HDGFL3: variants seen among roughly 807,000 people sequenced by gnomAD.
HDGFL3 encodes hepatoma-derived growth factor-related protein 3.
Under a neutral mutation model 27.6 loss-of-function variants are expected in HDGFL3, and 6 were observed. That is an observed-to-expected ratio of 0.22 (90% CI 0.12 to 0.43). The LOEUF (loss-of-function observed/expected upper bound fraction) is 0.43, where lower values mean the gene tolerates loss of function less well. Ranked by LOEUF, HDGFL3 falls within the 20% of genes least tolerant of loss-of-function variation. HDGFL3 has a pLI of 1.00. For missense variants in HDGFL3, 207 were observed against 250.1 expected (o/e 0.83, Z 1.16); for synonymous variants, 88 against 88.9 (o/e 0.99, Z 0.05).
intron 5 of HDGFL3, among the ~76,000 whole-genome samples, chr15:83,139,567 C>T (rs2036726230): frequency 6.6e-6 from 1 of 152,154 alleles, no homozygotes. Context: ...TTCTACAATT[C>T]TAGGACTATG....
Position 83,137,764 on chromosome 15 carries a change from CCAT to C in HDGFL3, c.*1503_*1505del, listed in dbSNP as rs1461156935. 2 of 152,070 alleles carry C rather than the reference CCAT, an allele frequency of 1.3e-5. No individual in the cohort carries two copies. The highest frequency in any genetic ancestry group is 4.8e-5 in the African/African-American group (2 of 41,440). The allele number at this position is 152,070 out of a possible 1,614,324, so 9.4% of individuals were successfully genotyped here. A position where few individuals can be genotyped will look rare whatever the true frequency, so the allele number is the denominator to read the frequency against. On this transcript the variant is annotated 3_prime_UTR_variant, in exon 6 of 6. Coordinates refer to ENST00000299633, the MANE Select transcript of HDGFL3 (RefSeq NM_016073.4). ...TTCATACCCTTAGCTGCCATCATCACCATCATCATTATTAACGGCCCTAGGCTT... is the reference window on the plus strand; with the variant it reads ...TTCATACCCTTAGCTGCCATCATCACCATCATTATTAACGGCCCTAGGCTT...
intron 4 of HDGFL3, among the ~76,000 whole-genome samples, chr15:83,153,142 G>A (rs2036984940): frequency 6.6e-6 from 1 of 151,924 alleles, no homozygotes; most frequent in Non-Finnish European, 1.5e-5. Context: ...TGGGACTATA[G>A]GTACCTGCCA....
chr15:83,176,408 T>C (rs572993181), intron 1 of HDGFL3, among the ~76,000 whole-genome samples: 43 of 152,306 alleles, frequency 2.8e-4, no homozygotes, highest in African/African-American at 1.0e-3. Context: ...ACTTAAAATG[T>C]GGTGGCATTT....
intron 1 of HDGFL3, among the ~76,000 whole-genome samples, chr15:83,197,244 A>C (rs2037581838): frequency 6.6e-6 from 1 of 152,310 alleles, no homozygotes; most frequent in East Asian, 1.9e-4. Context: ...CATAAAATTT[A>C]ATCTAATCTT....
chr15:83,153,885 T>C (rs151023706), intron 4 of HDGFL3, among the ~76,000 whole-genome samples: 2 of 152,256 alleles, frequency 1.3e-5, no homozygotes, highest in African/African-American at 4.8e-5. Context: ...GCGTTTTCCT[T>C]AGAAAACTGA....
intron 3 of HDGFL3, chr15:83,115,768 AT>A: frequency 1.1e-6 from 1 of 945,748 alleles, no homozygotes; most frequent in East Asian, 2.4e-5. Flanking sequence ...ACATTCCATT[AT>A]TATTAGCTGA....
chr15:83,199,934 T>C (rs1272891005), intron 1 of HDGFL3, among the ~76,000 whole-genome samples: 2 of 150,326 alleles, frequency 1.3e-5, no homozygotes, highest in East Asian at 3.9e-4. Flanking sequence ...TAATCTCAGC[T>C]ACTCAGGAGA....
intron 5 of HDGFL3, among the ~76,000 whole-genome samples, chr15:83,145,185 C>A (rs1436039148): frequency 1.3e-5 from 2 of 152,058 alleles, no homozygotes; most frequent in Non-Finnish European, 2.9e-5. Flanking sequence ...TCCTAGCTTA[C>A]TCTGGATACT....
chr15:83,140,003 T>G (rs555940199), intron 5 of HDGFL3, among the ~76,000 whole-genome samples: 264 of 152,298 alleles, frequency 1.7e-3, no homozygotes, highest in Non-Finnish European at 3.1e-3. Flanking sequence ...AACCCCCTAG[T>G]AATACCCTCA....
At chr15:83,143,560 C>T (rs1463537808) in intron 5 of HDGFL3, among the ~76,000 whole-genome samples, 7 of 152,024 alleles carry the variant, frequency 4.6e-5, no homozygotes, top group African/African-American at 4.8e-5. Flanking sequence ...CCAGCCTGGG[C>T]GACAGAGCGA....
intron 3 of HDGFL3, 88 bp downstream of exon 3, chr15:83,157,815 T>G (rs561715547): frequency 2.4e-4 from 294 of 1,221,318 alleles, no homozygotes; most frequent in Non-Finnish European, 3.3e-4. Flanking sequence ...AGGTAACTAT[T>G]AGTAGAAAGG....
intron 1 of HDGFL3, among the ~76,000 whole-genome samples, chr15:83,172,556 G>C (rs1277468828): frequency 2.6e-5 from 4 of 152,088 alleles, no homozygotes; most frequent in African/African-American, 9.7e-5. Flanking sequence ...AAGAAAATCA[G>C]CCCAGGTGTG....
downstream of HDGFL3, chr15:83,127,461 C>G (rs756382718): frequency 6.2e-7 from 1 of 1,613,708 alleles, no homozygotes; most frequent in South Asian, 1.1e-5. Context: ...TTGATACATG[C>G]TGGAGGTCTG....
rs2036715911 is a variant in HDGFL3, at chr15:83,139,141, A to G, written c.*129T>C. ...ACAGAGAGGAATATGAATAATGTAC[A>G]TACAAACTGGGGTTCTGTCAATGAC... On this transcript the variant is annotated 3_prime_UTR_variant, in exon 6 of 6. Coordinates refer to ENST00000299633, the MANE Select transcript of HDGFL3 (RefSeq NM_016073.4). 2 of 514,248 alleles carry G rather than the reference A, an allele frequency of 3.9e-6. No individual in the cohort carries two copies. Among genetic ancestry groups the G allele is most frequent in the East Asian group, 3.1e-5 (1 of 31,914 alleles). 31.9% of individuals were successfully genotyped at this position (514,248 alleles called of 1,614,324 possible).
chr15:83,193,084 G>A (rs2037531353), intron 1 of HDGFL3, among the ~76,000 whole-genome samples: 1 of 139,036 alleles, frequency 7.2e-6, no homozygotes, highest in Non-Finnish European at 1.5e-5. Flanking sequence ...CTCTTCCAGA[G>A]TCCCGTTCTC....
At chr15:83,139,818 G>A (rs2036732086) in intron 5 of HDGFL3, among the ~76,000 whole-genome samples, 1 of 152,086 alleles carries the variant, frequency 6.6e-6, no homozygotes, top group Non-Finnish European at 1.5e-5. Flanking sequence ...AAGAATAAGA[G>A]GAAGCCTAGA....
chr15:83,115,763 C>A, intron 3 of HDGFL3: 2 of 916,074 alleles, frequency 2.2e-6, no homozygotes, highest in Non-Finnish European at 3.6e-6. Flanking sequence ...GAAAAACATT[C>A]CATTATTATT....
chr15:83,149,110 T>A (rs1010068803), intron 5 of HDGFL3, among the ~76,000 whole-genome samples: 1 of 152,192 alleles, frequency 6.6e-6, no homozygotes, highest in Non-Finnish European at 1.5e-5. Context: ...CTTGAGCTCT[T>A]ACTAGCTGTG....
At position 83,158,612 on chromosome 15, in the gene HDGFL3, A is replaced by G. The variant is rs56712709; in HGVS notation, c.162-571T>C. ...GAACAGGTGATAAAATCTCACACCC[A>G]CTCCATCCTGCCTGGGACATGAATC... On this transcript the variant is annotated intron_variant, in intron 2 of 5. Coordinates refer to ENST00000299633, the MANE Select transcript of HDGFL3 (RefSeq NM_016073.4). Among the ~76,000 whole-genome samples, 1,450 of 151,956 alleles carry G rather than the reference A, an allele frequency of 9.5e-3. 25 individuals carry two copies. The highest frequency in any genetic ancestry group is 0.033 in the African/African-American group (1,353 of 41,434).
Sources: allele counts gnomAD v4.1 joint callset (sites outside exome capture counted in the v4.1 genomes callset), GRCh38; gene constraint gnomAD v4.1.1; transcripts MANE v1.5; gene names NCBI Gene and HGNC (gene_info 2026-07-23, HGNC 2026-07-21).